Variants in SPAG7 observed in about 807,000 individuals in gnomAD.
SPAG7 encodes sperm-associated antigen 7.
SPAG7 carries 20 observed loss-of-function variants against 30.6 expected under a neutral mutation model. The ratio of observed to expected loss-of-function variants is 0.65; its 90% confidence interval spans 0.46 to 0.95. SPAG7 has a LOEUF of 0.95. Among genes scored for constraint, SPAG7 ranks in the 40% least tolerant of loss-of-function variants. The pLI is 0.00. For missense variants in SPAG7, 276 were observed against 291.1 expected (o/e 0.95, Z 0.38); for synonymous variants, 127 against 104.2 (o/e 1.22, Z -1.33).
intron 1 of SPAG7, among the ~76,000 whole-genome samples, chr17:4,961,294 T>C (rs1040557749): frequency 1.3e-5 from 2 of 151,144 alleles, no homozygotes; most frequent in South Asian, 4.2e-4. Context: ...CCATCTCTAC[T>C]AAAAATACAA....
intron 1 of SPAG7, chr17:4,966,133 G>C (rs1358352063): frequency 6.6e-6 from 1 of 152,248 alleles, no homozygotes; most frequent in Non-Finnish European, 1.5e-5. Flanking sequence ...TTACAGGCGT[G>C]AGCCCGGCCA....
At position 4,959,429 on chromosome 17, in the gene SPAG7, A is replaced by G; in HGVS notation, c.*105T>C. The G allele has an allele frequency of 1.2e-6, 1 of 820,228 alleles. No homozygotes were observed. 50.8% of individuals were successfully genotyped at this position (820,228 alleles called of 1,614,324 possible). A position where few individuals can be genotyped will look rare whatever the true frequency, so the allele number is the denominator to read the frequency against. The stretch of plus-strand genomic sequence containing the variant: ...CCCAGCCTGAGGGACAGCTGGTAGG[A>G]GGTGGTTCAGAGGTGGGGCTCCAGG... On this transcript the variant is annotated 3_prime_UTR_variant, in exon 7 of 7. Transcript: ENST00000206020.
At chr17:4,963,696 A>T (rs1971902304) in intron 1 of SPAG7, among the ~76,000 whole-genome samples, 1 of 151,980 alleles carries the variant, frequency 6.6e-6, no homozygotes, top group African/African-American at 2.4e-5. Flanking sequence ...TGACCTTGTG[A>T]TCCACCTGCC....
At chr17:4,967,456 G>A (rs1388848826) in intron 1 of SPAG7, among the ~76,000 whole-genome samples, 3 of 152,218 alleles carry the variant, frequency 2.0e-5, no homozygotes, top group African/African-American at 7.2e-5. Context: ...GCGGACAGGC[G>A]GGACGGCCGG....
chr17:4,959,944 C>T, intron 5 of SPAG7, 28 bp from the exon 6 acceptor site: 1 of 1,612,864 alleles, frequency 6.2e-7, no homozygotes, highest in Non-Finnish European at 8.5e-7. Context: ...GGCACTGGTG[C>T]TCAGGGCCCC....
chr17:4,966,460 C>T (rs1306284367), intron 1 of SPAG7: 6 of 503,750 alleles, frequency 1.2e-5, no homozygotes, highest in Non-Finnish European at 1.5e-5. Context: ...CTGTCAATGC[C>T]GGGTGATCCC....
intron 1 of SPAG7, chr17:4,967,293 G>A (rs1265985415): frequency 7.1e-5 from 65 of 912,558 alleles, no homozygotes; most frequent in Non-Finnish European, 8.7e-5. Context: ...AGGTCGAACA[G>A]GCCTGAGGAG....
intron 1 of SPAG7, chr17:4,967,309 G>A (rs1203654363): frequency 2.4e-6 from 2 of 828,182 alleles, no homozygotes; most frequent in African/African-American, 1.8e-5. Context: ...AGGAGGCAGA[G>A]CTTTAAGTTG....
chr17:4,962,571 C>T (rs1281803132), intron 1 of SPAG7, among the ~76,000 whole-genome samples: 1 of 152,156 alleles, frequency 6.6e-6, no homozygotes, highest in Non-Finnish European at 1.5e-5. Flanking sequence ...CCATGCTCAG[C>T]TACTGTTTAA....
intron 3 of SPAG7, 54 bp from the exon 4 acceptor site, chr17:4,960,372 T>C (rs1473354005): frequency 1.1e-5 from 18 of 1,600,956 alleles, no homozygotes; most frequent in Non-Finnish European, 1.5e-5. Context: ...GCGGGCCTAG[T>C]GCCCTCCTCT....
chr17:4,964,487 A>G (rs11655738), intron 1 of SPAG7, among the ~76,000 whole-genome samples: 39 of 144,782 alleles, frequency 2.7e-4, no homozygotes, highest in African/African-American at 9.5e-4. Flanking sequence ...TCAGCCTCCC[A>G]AGTAGCTGGG....
At chr17:4,961,087 CCTATACATA>C (rs1206230764) in intron 1 of SPAG7, among the ~76,000 whole-genome samples, 1 of 152,140 alleles carries the variant, frequency 6.6e-6, no homozygotes, top group Non-Finnish European at 1.5e-5. Flanking sequence ...AGTACTGACC[CCTATACATA>C]CTATGTCTTT....
At position 4,960,535 on chromosome 17, in the gene SPAG7, C is replaced by A; in HGVS notation, c.166G>T (p.Val56Leu). The A allele has an allele frequency of 6.2e-7, 1 of 1,604,328 alleles. No homozygotes were observed. The highest frequency in any genetic ancestry group is 8.5e-7 in the Non-Finnish European group (1 of 1,176,856). ...CCACTGTCTTGAATGAAATCTGACA[C>A]CTCCTTCTCCATCTTGGGAGAGGGG... The part of the protein sequence containing the change: ...VEFRKRMEKE[V>L]SDFIQDSGQI... The change falls in exon 3 of 7, where the codon GTG (valine) becomes TTG (leucine). Residue 56 changes from valine (V) to leucine (L), a missense_variant. Val to Leu is a conservative substitution (Grantham distance 32, BLOSUM62 1). Coordinates refer to ENST00000206020, the MANE Select transcript of SPAG7 (RefSeq NM_004890.3).
At chr17:4,967,075 CAG>C (rs1050097098) in intron 1 of SPAG7, 1 of 985,580 alleles carries the variant, frequency 1.0e-6, no homozygotes, top group Non-Finnish European at 1.2e-6. Flanking sequence ...CAGGCGGAGA[CAG>C]TGGCCAATCG....
At position 4,960,505 on chromosome 17, in the gene SPAG7, T is replaced by A; in HGVS notation, c.196A>T (p.Ile66Phe). 6.2e-7 allele frequency: 1 copy of A among 1,603,904 alleles called. No homozygotes were observed. Among genetic ancestry groups the A allele is most frequent in the Non-Finnish European group, 8.5e-7 (1 of 1,177,086 alleles). Residue 66 changes from isoleucine to phenylalanine, a missense_variant, in exon 3 of 7, where the codon ATC becomes TTC. By Grantham distance (21) the Ile-to-Phe change is conservative. Coordinates refer to ENST00000206020, the MANE Select transcript of SPAG7 (RefSeq NM_004890.3). ...VSDFIQDSGQ[I>F]KKKFQPMNKI... ...TTCATTGGCTGAAACTTTTTCTTGA[T>A]CTGCCCACTGTCTTGAATGAAATCT...
Position 4,959,625 on chromosome 17 carries a change from C to T in SPAG7, c.593G>A (p.Arg198Lys). 1.9e-6 allele frequency: 3 copies of T among 1,614,146 alleles called. No individual in the cohort carries two copies. Among genetic ancestry groups the T allele is most frequent in the Non-Finnish European group, 2.5e-6 (3 of 1,180,032 alleles). Reference protein sequence around the residue: ...TYGCVPVANKRDTRSIEEAMN... With the variant: ...TYGCVPVANKKDTRSIEEAMN... ...AGCCTCTTCAATGGAGCGTGTGTCC[C>T]TCTTATTGGCCACGGGCACTAGGGG... The change falls in exon 7 of 7, where the codon AGG becomes AAG. Residue 198 changes from arginine to lysine, a missense_variant. Physicochemically the swap from Arg to Lys is conservative, Grantham distance 26 (BLOSUM62 2). Coordinates refer to ENST00000206020, the MANE Select transcript of SPAG7 (RefSeq NM_004890.3).
chr17:4,961,865 C>A (rs1971869805), intron 1 of SPAG7, among the ~76,000 whole-genome samples: 1 of 151,948 alleles, frequency 6.6e-6, no homozygotes, highest in African/African-American at 2.4e-5. Context: ...CTCTCTCTCT[C>A]TCTCAAAATA....
intron 1 of SPAG7, among the ~76,000 whole-genome samples, 183 bp from the exon 2 acceptor site, chr17:4,961,036 G>A (rs556199835): frequency 2.0e-5 from 3 of 152,334 alleles, no homozygotes; most frequent in Admixed American, 1.3e-4. Flanking sequence ...ATCCACAGGG[G>A]TTCATTCCAA....
chr17:4,966,948 T>C, intron 1 of SPAG7: 1 of 985,384 alleles, frequency 1.0e-6, no homozygotes, highest in Non-Finnish European at 1.2e-6. Context: ...GTTCCGCCAG[T>C]ATCATCCCAA....
Sources: allele counts gnomAD v4.1 joint callset (sites outside exome capture counted in the v4.1 genomes callset), GRCh38; gene constraint gnomAD v4.1.1; transcripts MANE v1.5; gene names NCBI Gene and HGNC (gene_info 2026-07-23, HGNC 2026-07-21).